ST7: variants seen among roughly 807,000 people sequenced by gnomAD.
ST7 encodes suppressor of tumorigenicity 7 protein.
A neutral mutation model predicts 78.7 loss-of-function variants in ST7; 28 were observed. The ratio of observed to expected loss-of-function variants is 0.36; its 90% CI spans 0.26 to 0.49. The LOEUF is 0.49. Among genes scored for constraint, ST7 ranks in the 20% least tolerant of loss-of-function variants. The probability of loss-of-function intolerance (pLI) is 0.99; values close to 1 mark genes in which losing one functional copy is unlikely to be tolerated. For synonymous variants in ST7, 247 were observed against 249.6 expected, an observed-to-expected ratio of 0.99 and a Z score of 0.10; for missense variants, 418 against 696.0, an observed-to-expected ratio of 0.60 and a Z score of 4.49.
intron 1 of ST7, among the ~76,000 whole-genome samples, chr7:117,038,890 C>T (rs1187059654): frequency 1.3e-5 from 2 of 152,096 alleles, no homozygotes; most frequent in African/African-American, 4.8e-5. Context: ...GATATCTTCT[C>T]TTAATATGTC....
chr7:117,168,601 T>C (rs1159165277), intron 9 of ST7, among the ~76,000 whole-genome samples: 1 of 152,204 alleles, frequency 6.6e-6, no homozygotes, highest in Non-Finnish European at 1.5e-5. Flanking sequence ...CAATGTGTGG[T>C]ATAGTCTTAT....
chr7:117,081,386 TG>T (rs1563066230), intron 1 of ST7, among the ~76,000 whole-genome samples: 1 of 152,192 alleles, frequency 6.6e-6, no homozygotes, highest in Non-Finnish European at 1.5e-5. Context: ...ATCTTTTTGA[TG>T]TTTTAGATCC....
intron 1 of ST7, among the ~76,000 whole-genome samples, chr7:117,013,739 A>G (rs1584450460): frequency 6.6e-6 from 1 of 152,320 alleles, no homozygotes; most frequent in Non-Finnish European, 1.5e-5. Context: ...AGGCTGAGGC[A>G]GGAGAATTGC....
At chr7:117,092,373 A>G (rs988529870) in intron 1 of ST7, among the ~76,000 whole-genome samples, 5 of 146,644 alleles carry the variant, frequency 3.4e-5, no homozygotes, top group African/African-American at 9.9e-5. Flanking sequence ...GGATCGTTGG[A>G]GTCACTTTAG....
At chr7:117,033,163 A>G (rs994421391) in intron 1 of ST7, among the ~76,000 whole-genome samples, 1 of 152,230 alleles carries the variant, frequency 6.6e-6, no homozygotes, top group Admixed American at 6.5e-5. Flanking sequence ...GAAGATTTCC[A>G]TACCAGGAAC....
intron 2 of ST7, among the ~76,000 whole-genome samples, chr7:117,114,575 T>C (rs1458761403): frequency 1.3e-5 from 2 of 152,234 alleles, no homozygotes; most frequent in Non-Finnish European, 1.5e-5. Context: ...ACTTTAATTC[T>C]TAAGAAGCAC....
chr7:117,140,548 A>G (rs1027714162), intron 9 of ST7, among the ~76,000 whole-genome samples: 2 of 151,958 alleles, frequency 1.3e-5, no homozygotes, highest in African/African-American at 4.8e-5. Flanking sequence ...CATTTGCTTG[A>G]CCATTCTCCT....
At position 117,056,622 on chromosome 7, in the gene ST7, G is replaced by C. The variant is rs563506802; in HGVS notation, c.152-43140G>C. ...TGCATCCAGCCTGGGCAACAAGAGCGAAACTCCGTCTCAAAAATAAAAATA... is the reference window on the plus strand; with the variant it reads ...TGCATCCAGCCTGGGCAACAAGAGCCAAACTCCGTCTCAAAAATAAAAATA... On this transcript the variant is annotated intron_variant, in intron 1 of 15. Transcript: ENST00000323984. 7.2e-5 allele frequency among the ~76,000 whole-genome samples: 11 copies of C among 151,766 alleles called. 1 individual carries two copies. In the East Asian group the frequency reaches 2.1e-3, roughly 29 times the overall value.
At chr7:117,067,221 A>G (rs187290070) in intron 1 of ST7, among the ~76,000 whole-genome samples, 3 of 152,002 alleles carry the variant, frequency 2.0e-5, no homozygotes, top group African/African-American at 7.2e-5. Flanking sequence ...AAGTTTTTGC[A>G]TGGACATGTG....
intron 1 of ST7, among the ~76,000 whole-genome samples, chr7:116,962,068 G>A (rs896964177): frequency 1.3e-5 from 2 of 152,080 alleles, no homozygotes; most frequent in Non-Finnish European, 2.9e-5. Context: ...AGTTTGCTGA[G>A]GATGGTGGCT....
rs983820674 is a variant in ST7, at chr7:117,074,433, C to T, written c.152-25329C>T. 7.9e-5 allele frequency among the ~76,000 whole-genome samples: 12 copies of T among 152,184 alleles called. No individual in the cohort carries two copies. The South Asian group carries it at 2.5e-3, about 32-fold the overall frequency. ...ACAAGCTACTATCTTGTTTAGATAG[C>T]GGATCTTTTCCCCCTCATAGAGAGT... On this transcript the variant is annotated intron_variant, in intron 1 of 15. Transcript: ENST00000323984.
Position 116,998,238 on chromosome 7 carries a change from G to A in ST7, c.151+44547G>A, listed in dbSNP as rs145390283. Among the ~76,000 whole-genome samples the A allele has an allele frequency of 5.0e-3, 758 of 152,340 alleles. 5 individuals are homozygous for A. Among genetic ancestry groups the A allele is most frequent in the African/African-American group, 0.016 (669 of 41,576 alleles). On this transcript the variant is annotated intron_variant, in intron 1 of 15. Coordinates refer to ENST00000323984, the MANE Select transcript of ST7 (RefSeq NM_001369598.1). ...GCGCACCCTCTGCAGCTGCTGGCCT[G>A]GGTGCTAAGCCCCTCACTGCCCTGG...
At chr7:117,020,501 G>T (rs1398137527) in intron 1 of ST7, 5 of 1,372,670 alleles carry the variant, frequency 3.6e-6, no homozygotes. Context: ...CTGCTGTGTA[G>T]CCGGCTCATC....
intron 1 of ST7, among the ~76,000 whole-genome samples, chr7:117,079,865 C>T (rs1468889885): frequency 6.6e-6 from 1 of 151,570 alleles, no homozygotes; most frequent in East Asian, 1.9e-4. Flanking sequence ...TTAAAATACA[C>T]CACTAGTACA....
chr7:117,169,866 C>A (rs1362086224), intron 9 of ST7, among the ~76,000 whole-genome samples: 1 of 148,430 alleles, frequency 6.7e-6, no homozygotes, highest in African/African-American at 2.5e-5. Context: ...TTCACTTTCA[C>A]CCCATCTTTA....
In ST7 at chr7:117,110,649, G is replaced by A. The variant is rs142415597; in HGVS notation, c.235-8912G>A. ...TTCTAGCCTGCTGTACAAATGGTAG[G>A]TCTGGACTTTATTCTAGCAGTAGCG... On this transcript the variant is annotated intron_variant, in intron 2 of 15. Coordinates refer to ENST00000323984, the MANE Select transcript of ST7 (RefSeq NM_001369598.1). Among the ~76,000 whole-genome samples the A allele has an allele frequency of 1.1e-3, 170 of 152,330 alleles. 3 individuals carry two copies. The East Asian group carries it at 0.028, about 25-fold the overall frequency.
chr7:117,217,481 G>A (rs1363898927), intron 13 of ST7, among the ~76,000 whole-genome samples: 1 of 152,046 alleles, frequency 6.6e-6, no homozygotes, highest in East Asian at 1.9e-4. Context: ...TTTTGTTTTT[G>A]TTTGTTTTTG....
chr7:117,040,417 T>TAC (rs143063486), intron 1 of ST7, among the ~76,000 whole-genome samples: 1,613 of 150,462 alleles, frequency 0.011, 15 homozygotes, highest in African/African-American at 0.026. Context: ...TATACACACA[T>TAC]ACACACACAC....
intron 10 of ST7, among the ~76,000 whole-genome samples, chr7:117,188,339 C>T (rs1294611796): frequency 1.3e-5 from 2 of 152,180 alleles, no homozygotes; most frequent in Non-Finnish European, 2.9e-5. Context: ...AAGAGTTCCT[C>T]TAACCTAGAA....
Sources: allele counts gnomAD v4.1 joint callset (sites outside exome capture counted in the v4.1 genomes callset), GRCh38; gene constraint gnomAD v4.1.1; transcripts MANE v1.5; gene names NCBI Gene and HGNC (gene_info 2026-07-23, HGNC 2026-07-21).